Variants in TPD52 observed in about 807,000 individuals in gnomAD.
TPD52 encodes prostate and colon associated protein.
Under a neutral mutation model 31.3 loss-of-function variants are expected in TPD52, and 17 were observed. The observed-to-expected ratio is 0.54, with a 90% CI of 0.37 to 0.82. TPD52 has a LOEUF of 0.82. Ranked by LOEUF, TPD52 falls within the 40% of genes least tolerant of loss-of-function variation. The probability of loss-of-function intolerance (pLI) is 0.00; values close to 1 mark genes in which losing one functional copy is unlikely to be tolerated. For missense variants in TPD52, 212 were observed against 240.1 expected (o/e 0.88, Z 0.77); for synonymous variants, 83 against 89.6 (o/e 0.93, Z 0.42).
intron 1 of TPD52, among the ~76,000 whole-genome samples, chr8:80,086,101 C>CTTTTTTTTTTTTTTTTGTTTTTTTTTTT (rs762805549): frequency 2.7e-5 from 3 of 112,690 alleles, no homozygotes; most frequent in Non-Finnish European, 5.4e-5. Context: ...GGTTTTTTTG[C>CTTTTTTTTTTTTTTTTGTTTTTTTTTTT]TTTTTTTTTT....
chr8:80,162,578 G>T (rs1343351793), intron 1 of TPD52, among the ~76,000 whole-genome samples: 1 of 151,302 alleles, frequency 6.6e-6, no homozygotes, highest in Non-Finnish European at 1.5e-5. Flanking sequence ...AGCTAGAATT[G>T]CATCACTGCA....
At chr8:80,072,798 C>CACATATATATATATATATATATATAT (rs977939775) in intron 1 of TPD52, among the ~76,000 whole-genome samples, 10 of 141,078 alleles carry the variant, frequency 7.1e-5, no homozygotes, top group South Asian at 2.1e-4. Context: ...CACACACACA[C>CACATATATATATATATATATATATAT]ATATATATAT....
chr8:80,158,940 T>A, intron 1 of TPD52: 1 of 57,364 alleles, frequency 1.7e-5, no homozygotes, highest in African/African-American at 1.2e-4. Context: ...CGAGACTCCG[T>A]CTCAAAAAAA....
intron 1 of TPD52, chr8:80,080,385 G>T (rs750843868): frequency 5.0e-6 from 8 of 1,614,134 alleles, no homozygotes; most frequent in East Asian, 2.2e-5. Context: ...GATAGCTTTT[G>T]TTCACTCCTG....
intron 1 of TPD52, among the ~76,000 whole-genome samples, chr8:80,132,310 G>A (rs1010256580): frequency 1.3e-5 from 2 of 152,076 alleles, no homozygotes; most frequent in Non-Finnish European, 2.9e-5. Flanking sequence ...TACAAAGGCT[G>A]GTGGCCCCAG....
chr8:80,171,189 C>A, intron 1 of TPD52: 1 of 701,506 alleles, frequency 1.4e-6, no homozygotes, highest in East Asian at 2.7e-5. Context: ...TCCCTCTCCC[C>A]CACACACGCA....
At chr8:80,109,114 T>G (rs1417021446) in intron 1 of TPD52, among the ~76,000 whole-genome samples, 1 of 152,116 alleles carries the variant, frequency 6.6e-6, no homozygotes, top group African/African-American at 2.4e-5. Flanking sequence ...GTAAAAGCTA[T>G]CAGTTCCCAG....
At chr8:80,137,997 T>C (rs762304923) in intron 1 of TPD52, among the ~76,000 whole-genome samples, 1 of 151,866 alleles carries the variant, frequency 6.6e-6, no homozygotes, top group Non-Finnish European at 1.5e-5. Flanking sequence ...CAGGCTGGAG[T>C]GCAATGGCAC....
At chr8:80,124,545 T>C (rs2131046299) in intron 1 of TPD52, among the ~76,000 whole-genome samples, 1 of 152,302 alleles carries the variant, frequency 6.6e-6, no homozygotes, top group African/African-American at 2.4e-5. Context: ...TACGTACGTT[T>C]ACACATACAC....
At position 80,171,490 on chromosome 8, in the gene TPD52, G is replaced by A. The variant is rs1193558511; in HGVS notation, c.-47C>T. ...GTCCTCTGCAGCACCCCCGCCTGCAGCCCGTCCCGGCTCGGATCGCCCGCC... is the reference window on the plus strand; with the variant it reads ...GTCCTCTGCAGCACCCCCGCCTGCAACCCGTCCCGGCTCGGATCGCCCGCC... On this transcript the variant is annotated 5_prime_UTR_variant, in exon 1 of 8. Coordinates refer to ENST00000518937, the MANE Select transcript of TPD52 (RefSeq NM_001025253.3). 1.3e-6 allele frequency: 2 copies of A among 1,544,372 alleles called. No individual in the cohort carries two copies. The highest frequency in any genetic ancestry group is 1.9e-5 in the Admixed American group (1 of 53,230).
At chr8:80,062,529 G>A (rs112773959) in intron 2 of TPD52, among the ~76,000 whole-genome samples, 3 of 152,272 alleles carry the variant, frequency 2.0e-5, no homozygotes, top group African/African-American at 7.2e-5. Context: ...ACCATAATGA[G>A]ATATCACTTC....
At chr8:80,086,624 G>A (rs570693334) in intron 1 of TPD52, among the ~76,000 whole-genome samples, 111 of 151,694 alleles carry the variant, frequency 7.3e-4, no homozygotes, top group Non-Finnish European at 1.4e-3. Flanking sequence ...CTGTAATCCT[G>A]GCACTTTGGG....
intron 5 of TPD52, among the ~76,000 whole-genome samples, chr8:80,047,280 T>C (rs1810956019): frequency 6.6e-6 from 1 of 152,170 alleles, no homozygotes; most frequent in African/African-American, 2.4e-5. Context: ...AGTTTCCTCA[T>C]CTGTAATATC....
chr8:80,047,251 C>T (rs1172353667), intron 5 of TPD52, among the ~76,000 whole-genome samples: 1 of 152,172 alleles, frequency 6.6e-6, no homozygotes, highest in Non-Finnish European at 1.5e-5. Flanking sequence ...GGGGAAGTCA[C>T]TTAATCTCTC....
intron 1 of TPD52, among the ~76,000 whole-genome samples, chr8:80,135,878 A>G (rs556741204): frequency 4.4e-4 from 62 of 139,460 alleles, no homozygotes; most frequent in Middle Eastern, 3.4e-3. Context: ...AAACTATCAC[A>G]AGAACAAAAA....
chr8:80,092,033 T>C (rs933140961), intron 1 of TPD52, among the ~76,000 whole-genome samples: 7 of 152,218 alleles, frequency 4.6e-5, no homozygotes, highest in African/African-American at 1.7e-4. Context: ...ATATTTCTTA[T>C]TGATACAAAT....
At chr8:80,062,060 G>A (rs2130659408) in intron 2 of TPD52, among the ~76,000 whole-genome samples, 1 of 152,230 alleles carries the variant, frequency 6.6e-6, no homozygotes, top group South Asian at 2.1e-4. Context: ...TTGTGTGGGT[G>A]GAAAAGCAGA....
At chr8:80,094,650 T>TA (rs1816592179) in intron 1 of TPD52, among the ~76,000 whole-genome samples, 1 of 150,924 alleles carries the variant, frequency 6.6e-6, no homozygotes, top group Admixed American at 6.6e-5. Context: ...TGGAAACAGA[T>TA]AGTGGTGATG....
chr8:80,136,737 T>TA, intron 1 of TPD52, among the ~76,000 whole-genome samples: 1 of 152,068 alleles, frequency 6.6e-6, no homozygotes, highest in South Asian at 2.1e-4. Context: ...TCCTCCTAGG[T>TA]AGAGACAAAG....
Sources: gnomAD v4.1 joint callset for allele counts (sites outside exome capture counted in the v4.1 genomes callset) on GRCh38, gnomAD v4.1.1 for gene constraint, MANE v1.5 for transcripts, NCBI Gene and HGNC (gene_info 2026-07-23, HGNC 2026-07-21) for gene names.